Variants in NAV1 observed in about 807,000 individuals in gnomAD.
NAV1 encodes neuron navigator 1, also known as pore membrane and/or filament interacting like protein 3.
NAV1 carries 18 observed loss-of-function variants against 175.2 expected under a neutral mutation model. That is an observed-to-expected ratio of 0.10 (90% confidence interval 0.07 to 0.15). NAV1 has a LOEUF of 0.15. Among genes scored for constraint, NAV1 ranks in the 10% least tolerant of loss-of-function variants. NAV1 has a pLI of 1.00. For synonymous variants in NAV1, 897 were observed against 978.7 expected, an observed-to-expected ratio of 0.92 and a Z score of 1.56; for missense variants, 1,731 against 2,436.6, an observed-to-expected ratio of 0.71 and a Z score of 6.10.
intron 22 of NAV1, 85 bp downstream of exon 26, chr1:201,809,622 C>T: frequency 7.6e-7 from 1 of 1,319,694 alleles, no homozygotes; most frequent in Non-Finnish European, 1.1e-6. Flanking sequence ...TCACTCTTGC[C>T]ACCCAGGCTG....
intron 12 of NAV1, 42 bp from the exon 17 acceptor site, chr1:201,790,647 A>G: frequency 6.2e-7 from 1 of 1,613,868 alleles, no homozygotes; most frequent in Non-Finnish European, 8.5e-7. Flanking sequence ...AATCTTATAC[A>G]GCTTCTGCAG....
In NAV1 at chr1:201,750,641, T is replaced by C; in HGVS notation, c.1227-29780T>C. 6.6e-6 allele frequency among the ~76,000 whole-genome samples: 1 copy of C among 152,148 alleles called. No individual in the cohort carries two copies. The highest frequency in any genetic ancestry group is 1.9e-4 in the East Asian group (1 of 5,180). ...TATTTTTAGTGCTCAAGTCATAGCT[T>C]GTATTTACTCATTTTCAACTCTTTG... On this transcript the variant is annotated intron_variant, in intron 3 of 29. Coordinates refer to ENST00000367296, the Ensembl canonical transcript of NAV1. The surrounding 1 kb of genome is among the most constrained non-coding windows in gnomAD (Gnocchi z 4.1).
intron 1 of NAV1, among the ~76,000 whole-genome samples, chr1:201,653,804 G>A (rs577001336): frequency 1.1e-4 from 17 of 152,324 alleles, no homozygotes; most frequent in Admixed American, 4.6e-4. Flanking sequence ...ATCACAGGCA[G>A]GAGGAAGGGC....
At chr1:201,755,778 G>C (rs183893180) in intron 3 of NAV1, among the ~76,000 whole-genome samples, 51 of 152,208 alleles carry the variant, frequency 3.4e-4, no homozygotes, top group Non-Finnish European at 5.4e-4. Flanking sequence ...TATGCCTGGC[G>C]TGGAGAAGAG....
At chr1:201,802,136 CAAAAAAA>C (rs771631007) in intron 15 of NAV1, among the ~76,000 whole-genome samples, 1 of 20,304 alleles carries the variant, frequency 4.9e-5, no homozygotes, top group Non-Finnish European at 1.4e-4. Flanking sequence ...GACTCCGTCT[CAAAAAAA>C]AAAAAAAAAA....
At chr1:201,780,883 G>A in intron 4 of NAV1, 129 bp from the exon 9 acceptor site, 1 of 1,118,284 alleles carries the variant, frequency 8.9e-7, no homozygotes, top group East Asian at 2.5e-5. Flanking sequence ...GGTATAGGTA[G>A]AAACCCTCAG....
At chr1:201,580,764 T>C (rs760260898) in intron 1 of NAV1, among the ~76,000 whole-genome samples, 1 of 151,362 alleles carries the variant, frequency 6.6e-6, no homozygotes, top group Non-Finnish European at 1.5e-5. Flanking sequence ...AGAGCAAGAC[T>C]GTCTTAAAAA....
At chr1:201,586,755 A>G (rs1343014093) in intron 1 of NAV1, among the ~76,000 whole-genome samples, 1 of 152,150 alleles carries the variant, frequency 6.6e-6, no homozygotes, top group African/African-American at 2.4e-5. Context: ...GGCCCCACTG[A>G]TATGATCTCA....
exon 30 of NAV1, chr1:201,826,082 T>TCAA: frequency 6.6e-6 from 1 of 152,370 alleles, no homozygotes; most frequent in East Asian, 1.9e-4. Flanking sequence ...TTCAAGTTTG[T>TCAA]CAATTTTCCC....
intron 3 of NAV1, among the ~76,000 whole-genome samples, chr1:201,746,303 G>C (rs896120462): frequency 2.0e-5 from 3 of 152,176 alleles, no homozygotes; most frequent in African/African-American, 7.2e-5. Flanking sequence ...ACCACTGTAA[G>C]AGCTAATATA....
chr1:201,700,104 G>A (rs1184817192), intron 1 of NAV1, among the ~76,000 whole-genome samples: 1 of 152,154 alleles, frequency 6.6e-6, no homozygotes, highest in Non-Finnish European at 1.5e-5. Context: ...ATCTAATTAA[G>A]CTAAAGAGCT....
chr1:201,781,572 A>G (rs1462422872), intron 5 of NAV1, among the ~76,000 whole-genome samples: 1 of 152,194 alleles, frequency 6.6e-6, no homozygotes, highest in Admixed American at 6.5e-5. Context: ...TACAGGAGGA[A>G]GTATATTATG....
intron 1 of NAV1, among the ~76,000 whole-genome samples, chr1:201,711,153 G>A (rs867907509): frequency 3.3e-4 from 50 of 152,388 alleles, no homozygotes; most frequent in African/African-American, 1.0e-3. Flanking sequence ...AGTGATGCCA[G>A]GACTGGGGAT....
chr1:201,574,684 A>T (rs1238088070), intron 1 of NAV1, among the ~76,000 whole-genome samples: 2 of 152,216 alleles, frequency 1.3e-5, no homozygotes, highest in Admixed American at 1.3e-4. Flanking sequence ...TGGCACAAGA[A>T]GCCTGCTCAG....
intron 2 of NAV1, among the ~76,000 whole-genome samples, chr1:201,638,204 G>A (rs1346119292): frequency 6.6e-6 from 1 of 152,170 alleles, no homozygotes; most frequent in African/African-American, 2.4e-5. Flanking sequence ...CCCAAGGCTT[G>A]ACATTAGGGA....
upstream of NAV1, among the ~76,000 whole-genome samples, chr1:201,646,072 C>T (rs1429170492): frequency 6.6e-6 from 1 of 152,200 alleles, no homozygotes; most frequent in Non-Finnish European, 1.5e-5. Context: ...GCTGGGACCT[C>T]ATGTTTGGAC....
chr1:201,794,167 T>C (rs778922386), intron 14 of NAV1: 25 of 653,706 alleles, frequency 3.8e-5, no homozygotes, highest in South Asian at 3.2e-4. Flanking sequence ...TTTTCTTTTT[T>C]TGAGATGGAG....
intron 1 of NAV1, among the ~76,000 whole-genome samples, chr1:201,682,981 A>T (rs1404174562): frequency 5.9e-5 from 9 of 152,202 alleles, no homozygotes; most frequent in Non-Finnish European, 5.9e-5. Flanking sequence ...TGAACCAATA[A>T]TGATAAATTA....
At position 201,788,712 on chromosome 1, in the gene NAV1, CACCACTCCT is replaced by C; in HGVS notation, c.3166+80_3166+88del. On this transcript the variant is annotated intron_variant, in intron 10 of 29. Coordinates refer to ENST00000367296, the Ensembl canonical transcript of NAV1. This position sits in a 1 kb window ranked among gnomAD's most constrained non-coding sequence, Gnocchi z 5.7. ...TCCCCTCACCCACCACCTCCACTCC[CACCACTCCT>C]ACCACCACACACATATATGATTCAC... 7.0e-7 allele frequency: 1 copy of C among 1,437,558 alleles called. No individual in the cohort carries two copies. The highest frequency in any genetic ancestry group is 9.5e-7 in the Non-Finnish European group (1 of 1,052,704). 89.1% of individuals were successfully genotyped at this position (1,437,558 alleles called of 1,614,324 possible).
Sources: gnomAD v4.1 joint callset for allele counts (sites outside exome capture counted in the v4.1 genomes callset) on GRCh38, gnomAD v4.1.1 for gene constraint, Gnocchi (gnomAD v3.1) non-coding constraint, MANE v1.5 for transcripts, NCBI Gene and HGNC (gene_info 2026-07-23, HGNC 2026-07-21) for gene names.